Variants in HUS1 observed in about 807,000 individuals in gnomAD.
HUS1 encodes the protein HUS1 checkpoint clamp component.
HUS1 carries 31 observed loss-of-function variants against 32.6 expected under a neutral mutation model. The observed-to-expected ratio is 0.95, with a 90% CI of 0.72 to 1.28. HUS1 has a LOEUF of 1.28. Among genes scored for constraint, HUS1 ranks in the 50% most tolerant of loss-of-function variants. HUS1 has a pLI of 0.00. For synonymous variants in HUS1, 123 were observed against 116.6 expected (o/e 1.06, Z -0.36); for missense variants, 340 against 337.7 (o/e 1.01, Z -0.05).
At position 47,979,554 on chromosome 7, in the gene HUS1, G is replaced by A; in HGVS notation, c.-35C>T. 1 of 1,563,438 alleles carries A rather than the reference G, an allele frequency of 6.4e-7. No homozygotes were observed. ...TGGCGCAGCCGCGGCGGGCCTCTGT[G>A]GGTAACAGAAAAGCGTCGCGCCCTG... On this transcript the variant is annotated 5_prime_UTR_variant, in exon 1 of 8. Transcript: ENST00000258774.
intron 5 of HUS1, among the ~76,000 whole-genome samples, chr7:47,974,241 C>A (rs1788652900): frequency 6.6e-6 from 1 of 152,212 alleles, no homozygotes; most frequent in African/African-American, 2.4e-5. Context: ...CCACACTGGG[C>A]AGCTGGGACA....
chr7:47,978,363 C>T (rs1788750806), intron 3 of HUS1, 54 bp downstream of exon 3: 1 of 1,488,270 alleles, frequency 6.7e-7, no homozygotes, highest in Non-Finnish European at 9.3e-7. Context: ...CTAACTATGT[C>T]TATTCCTTCG....
rs752394885 is a variant in HUS1, at chr7:47,978,772, G to A, written c.97C>T (p.Arg33Cys). Reference sequence around the variant, plus strand: ...AAGTTAAGCTTATCAGGGCTGATGCGGAGGGTGCAGGTTTTGGCAAGCTTG... The same window carrying A: ...AAGTTAAGCTTATCAGGGCTGATGCAGAGGGTGCAGGTTTTGGCAAGCTTG... ...IAKLAKTCTLRISPDKLNFIL... is the reference protein window; with the variant it reads ...IAKLAKTCTLCISPDKLNFIL... The change falls in exon 2 of 8, where the codon CGC (arginine) becomes TGC (cysteine). Residue 33 changes from arginine (R) to cysteine (C), a missense_variant. Transcript: ENST00000258774. The A allele has an allele frequency of 2.1e-5, 34 of 1,614,070 alleles. No individual in the cohort carries two copies. The highest frequency in any genetic ancestry group is 2.5e-5 in the Non-Finnish European group (29 of 1,180,036).
chr7:47,976,259 A>C (rs895298179), intron 4 of HUS1: 4 of 424,736 alleles, frequency 9.4e-6, no homozygotes, highest in Non-Finnish European at 1.9e-5. Flanking sequence ...TGTGAGCAAG[A>C]GGAAATGGGC....
intron 1 of HUS1, 162 bp downstream of exon 1, chr7:47,979,306 C>A: frequency 3.6e-6 from 1 of 278,932 alleles, no homozygotes; most frequent in Admixed American, 4.9e-5. Flanking sequence ...GCCCTCCCGG[C>A]CCCACCCTCC....
In HUS1 at chr7:47,967,941, T is replaced by C. The variant is rs1788515319; in HGVS notation, c.641-16A>G. On this transcript the variant is annotated splice_polypyrimidine_tract_variant and intron_variant, in intron 6 of 7. Coordinates refer to ENST00000258774, the MANE Select transcript of HUS1 (RefSeq NM_004507.4). ...CTTTCAGAGGCTAAAATGATAGGAA[T>C]GCATTTAAATACAACATCTTCCCAC... 6.2e-7 allele frequency: 1 copy of C among 1,605,032 alleles called. No individual in the cohort carries two copies. The highest frequency in any genetic ancestry group is 8.5e-7 in the Non-Finnish European group (1 of 1,176,326).
chr7:47,967,925 G>T lies in HUS1; in HGVS notation c.641C>A (p.Ala214Asp). 6.2e-7 allele frequency: 1 copy of T among 1,609,678 alleles called. No homozygotes were observed. Among genetic ancestry groups the T allele is most frequent in the Non-Finnish European group, 8.5e-7 (1 of 1,178,132 alleles). The change falls in exon 7 of 8, where the codon GCC becomes GAC. Residue 214 changes from alanine to aspartate, a missense_variant and splice_region_variant. Ala to Asp is a moderately radical substitution (Grantham distance 126, BLOSUM62 -2). Transcript: ENST00000258774. The stretch of plus-strand genomic sequence containing the variant: ...TCTGTCCTCATGGGTGCTTTCAGAG[G>T]CTAAAATGATAGGAATGCATTTAAA... The part of the protein sequence containing the change: ...HFKDLGNPPL[A>D]SESTHEDRNV...
At chr7:47,968,319 A>G (rs995843583) in intron 6 of HUS1, among the ~76,000 whole-genome samples, 16 of 152,214 alleles carry the variant, frequency 1.1e-4, no homozygotes, top group African/African-American at 2.9e-4. Context: ...AGTACCAAAG[A>G]TAAGTCCCAC....
chr7:47,969,095 T>A, intron 6 of HUS1, 124 bp downstream of exon 6: 1 of 605,498 alleles, frequency 1.7e-6, no homozygotes, highest in South Asian at 2.0e-5. Context: ...TCCTTTGTTC[T>A]TCACCCAAGC....
At chr7:47,967,432 T>C (rs1458687124) in intron 7 of HUS1, among the ~76,000 whole-genome samples, 1 of 152,116 alleles carries the variant, frequency 6.6e-6, no homozygotes, top group Non-Finnish European at 1.5e-5. Flanking sequence ...AGCCAAACCG[T>C]GTCTGGCACT....
rs200031230 is a variant in HUS1, at chr7:47,967,879, T to G, written c.687A>C (p.Glu229Asp). Residue 229 changes from glutamate (E) to aspartate (D), a missense_variant, in exon 7 of 8, where the codon GAA becomes GAC. Physicochemically the swap from Glu to Asp is conservative, Grantham distance 45. Coordinates refer to ENST00000258774, the MANE Select transcript of HUS1 (RefSeq NM_004507.4). ...HEDRNVEHMA[E>D]VHIDIRKLLQ... ...GGAGCTTCCTAATATCTATGTGCACTTCAGCCATGTGTTCCACGTTTCTGT... is the reference window on the plus strand; with the variant it reads ...GGAGCTTCCTAATATCTATGTGCACGTCAGCCATGTGTTCCACGTTTCTGT... 2.2e-5 allele frequency: 35 copies of G among 1,610,362 alleles called. No individual in the cohort carries two copies. The highest frequency in any genetic ancestry group is 3.3e-5 in the South Asian group (3 of 91,010).
At position 47,979,491 on chromosome 7, in the gene HUS1, C is replaced by A. The variant is rs764942406; in HGVS notation, c.29G>T (p.Gly10Val). Residue 10 changes from glycine (G) to valine (V), a missense_variant, in exon 1 of 8, where the codon GGG becomes GTG. Gly to Val is a moderately radical substitution (Grantham distance 109). Transcript: ENST00000258774. Reference sequence around the variant, plus strand: ...ACGTGTGAAGTGGTTCAGACAGGCCCCGTCCACGATCTTGGCCCGAAACTT... The same window carrying A: ...ACGTGTGAAGTGGTTCAGACAGGCCACGTCCACGATCTTGGCCCGAAACTT... MKFRAKIVD[G>V]ACLNHFTRIS... 4 of 1,613,290 alleles carry A rather than the reference C, an allele frequency of 2.5e-6. No homozygotes were observed. Among genetic ancestry groups the A allele is most frequent in the Admixed American group, 1.7e-5 (1 of 60,026 alleles).
intron 3 of HUS1, chr7:47,978,121 G>T (rs1583725789): frequency 5.0e-6 from 1 of 198,974 alleles, no homozygotes; most frequent in African/African-American, 4.9e-5. Flanking sequence ...AGGTGAAAAT[G>T]GATAGAGAAA....
At chr7:47,970,780 A>G (rs1354845180) in intron 5 of HUS1, among the ~76,000 whole-genome samples, 3 of 152,210 alleles carry the variant, frequency 2.0e-5, no homozygotes, top group Non-Finnish European at 4.4e-5. Context: ...AATAAATCCA[A>G]GCTGTGAAAC....
chr7:47,969,468 GAAA>G lies in HUS1; in HGVS notation c.541-153_541-151del. 3 of 603,524 alleles carry G rather than the reference GAAA, an allele frequency of 5.0e-6. No individual in the cohort carries two copies. The South Asian group carries it at 5.6e-5, about 11-fold the overall frequency. The allele number at this position is 603,524 out of a possible 1,614,324, so 37.4% of individuals were successfully genotyped here. A position where few individuals can be genotyped will look rare whatever the true frequency, so the allele number is the denominator to read the frequency against. On this transcript the variant is annotated intron_variant, in intron 5 of 7. Transcript: ENST00000258774. ...ACACTGAGACCCCCGTGCTATCAGGGAAAGTGAGAAGATAAGGCCCAAGAGCCA... is the reference window on the plus strand; with the variant it reads ...ACACTGAGACCCCCGTGCTATCAGGGGTGAGAAGATAAGGCCCAAGAGCCA...
At chr7:47,969,535 C>T (rs548437102) in intron 5 of HUS1, among the ~76,000 whole-genome samples, 143 of 152,292 alleles carry the variant, frequency 9.4e-4, no homozygotes, top group Admixed American at 2.0e-3. Flanking sequence ...AAGGGGAAGT[C>T]CCCCTGCCTG....
chr7:47,975,790 A>G (rs1788691522), intron 4 of HUS1, 103 bp from the exon 5 acceptor site: 1 of 636,800 alleles, frequency 1.6e-6, no homozygotes, highest in East Asian at 3.1e-5. Context: ...CATGCTCAAA[A>G]ACTATGGGAT....
rs369547522 is a variant in HUS1, at chr7:47,979,579, G to A, written c.-60C>T. 69 of 1,327,930 alleles carry A rather than the reference G, an allele frequency of 5.2e-5. No individual in the cohort carries two copies. Among genetic ancestry groups the A allele is most frequent in the Non-Finnish European group, 6.9e-5 (64 of 928,002 alleles). The allele number at this position is 1,327,930 out of a possible 1,614,324, so 82.3% of individuals were successfully genotyped here. A position where few individuals can be genotyped will look rare whatever the true frequency, so the allele number is the denominator to read the frequency against. The stretch of plus-strand genomic sequence containing the variant: ...GGGTAACAGAAAAGCGTCGCGCCCT[G>A]AGTGTCCCCGCCCGGAAACACGGCA... On this transcript the variant is annotated 5_prime_UTR_variant, in exon 1 of 8. Transcript: ENST00000258774.
Position 47,979,110 on chromosome 7 carries a change from A to C in HUS1, c.53-294T>G, listed in dbSNP as rs3176498. ...TACTAGGTACTGCAATACACAGTTAAATGCAAGGTTAGGCACTGTCAGGGT... is the reference window on the plus strand; with the variant it reads ...TACTAGGTACTGCAATACACAGTTACATGCAAGGTTAGGCACTGTCAGGGT... On this transcript the variant is annotated intron_variant, in intron 1 of 7. Coordinates refer to ENST00000258774, the MANE Select transcript of HUS1 (RefSeq NM_004507.4). 0.046 allele frequency among the ~76,000 whole-genome samples: 7,042 copies of C among 152,188 alleles called. 334 individuals carry two copies. The highest frequency in any genetic ancestry group is 0.12 in the African/African-American group (4,918 of 41,492).
Sources: gnomAD v4.1 joint callset for allele counts (sites outside exome capture counted in the v4.1 genomes callset) on GRCh38, gnomAD v4.1.1 for gene constraint, MANE v1.5 for transcripts, NCBI Gene and HGNC (gene_info 2026-07-23, HGNC 2026-07-21) for gene names.